The following MBNL2 variants were observed in gnomAD, a reference collection of about 807,000 sequenced individuals.
The protein encoded by MBNL2 is muscleblind-like protein 2.
MBNL2 carries 17 observed loss-of-function variants against 41.9 expected under a neutral mutation model. The ratio of observed to expected loss-of-function variants is 0.41; its 90% CI spans 0.28 to 0.61. The LOEUF (loss-of-function observed/expected upper bound fraction) is 0.61, where lower values mean the gene tolerates loss of function less well. Among genes scored for constraint, MBNL2 ranks in the 20% least tolerant of loss-of-function variants. The pLI, the probability that MBNL2 is intolerant of heterozygous loss-of-function variation, is 0.35. For missense variants in MBNL2, 336 were observed against 505.6 expected, an observed-to-expected ratio of 0.66 and a Z score of 3.22; for synonymous variants, 195 against 182.9, an observed-to-expected ratio of 1.07 and a Z score of -0.53.
At chr13:97,180,340 G>A in the MBNL2 span, among the ~76,000 whole-genome samples, 14,527 of 152,126 alleles carry the variant, frequency 0.095, 761 homozygotes, top group South Asian at 0.17. Context: ...GTGACCACTG[G>A]GTGATGATTT....
the MBNL2 span, among the ~76,000 whole-genome samples, chr13:97,143,024 C>A: frequency 6.6e-6 from 1 of 152,130 alleles, no homozygotes; most frequent in African/African-American, 2.4e-5. Flanking sequence ...AGCTACCTAG[C>A]CCAGATTTAT....
the MBNL2 span, among the ~76,000 whole-genome samples, chr13:97,198,028 A>G: frequency 6.6e-6 from 1 of 152,120 alleles, no homozygotes; most frequent in African/African-American, 2.4e-5. Flanking sequence ...CCCATGGTTG[A>G]TTTTATATGT....
chr13:97,332,040 CAAT>C lies in MBNL2; in HGVS notation c.175-2234_175-2232del, dbSNP rs1209717176. 2.0e-5 allele frequency among the ~76,000 whole-genome samples: 3 copies of C among 152,146 alleles called. No homozygotes were observed. In the East Asian group the frequency reaches 5.8e-4, roughly 29 times the overall value. On this transcript the variant is annotated intron_variant, in intron 2 of 8. Transcript: ENST00000679496. ...AAATTGACAAGTATATGAGTGAATA[CAAT>C]ATAACAGCCATACTGGTAGAAATGT...
Position 97,391,848 on chromosome 13 carries a change from A to G in MBNL2, c.*399A>G, listed in dbSNP as rs2066397421. On this transcript the variant is annotated 3_prime_UTR_variant, in exon 9 of 9. Coordinates refer to ENST00000679496, the MANE Select transcript of MBNL2 (RefSeq NM_001382683.1). ...ATCAAAGGGTATGTTTCACTTCTTG[A>G]CAATATAAATGCTGCAGCAAAGATG... is the stretch of plus-strand genomic sequence containing the variant. 1 of 168,940 alleles carries G rather than the reference A, an allele frequency of 5.9e-6. No homozygotes were observed. The highest frequency in any genetic ancestry group is 1.3e-5 in the Non-Finnish European group (1 of 79,742). 10.5% of individuals were successfully genotyped at this position (168,940 alleles called of 1,614,324 possible). A position where few individuals can be genotyped will look rare whatever the true frequency, so the allele number is the denominator to read the frequency against.
intron 3 of MBNL2, among the ~76,000 whole-genome samples, chr13:97,341,891 GT>G (rs1274691223): frequency 6.6e-6 from 1 of 152,162 alleles, no homozygotes; most frequent in East Asian, 1.9e-4. Context: ...CACCCACAAT[GT>G]AGAAACAGAG....
chr13:97,263,504 T>TA (rs1252848186), intron 1 of MBNL2, among the ~76,000 whole-genome samples: 8 of 152,196 alleles, frequency 5.3e-5, no homozygotes, highest in African/African-American at 7.2e-5. Context: ...GGACCATTTT[T>TA]AAAAAAATTG....
At chr13:97,192,399 CAA>C in the MBNL2 span, among the ~76,000 whole-genome samples, 1 of 152,142 alleles carries the variant, frequency 6.6e-6, no homozygotes, top group Non-Finnish European at 1.5e-5. Flanking sequence ...GTGTCAAATG[CAA>C]ACAGTCAGAG....
chr13:97,153,460 TAGTTAAA>T, the MBNL2 span, among the ~76,000 whole-genome samples: 2 of 152,050 alleles, frequency 1.3e-5, no homozygotes, highest in South Asian at 2.1e-4. Flanking sequence ...TCCAAACAAA[TAGTTAAA>T]AGTTAAGGTA....
chr13:97,145,338 G>T, the MBNL2 span, among the ~76,000 whole-genome samples: 6 of 152,198 alleles, frequency 3.9e-5, no homozygotes, highest in South Asian at 6.2e-4. Context: ...AACATGATAA[G>T]AAAGAAAAGA....
At chr13:97,357,340 C>G in intron 6 of MBNL2, 142 bp from the exon 7 acceptor site, 2 of 674,594 alleles carry the variant, frequency 3.0e-6, no homozygotes, top group Non-Finnish European at 5.1e-6. Context: ...TCGACATTGC[C>G]GCTGTTTAAA....
chr13:97,154,955 G>A, the MBNL2 span, among the ~76,000 whole-genome samples: 3 of 151,996 alleles, frequency 2.0e-5, no homozygotes, highest in Non-Finnish European at 2.9e-5. Flanking sequence ...TGAGAGTATT[G>A]GGGACTTTTT....
At chr13:97,305,657 C>T (rs2058056413) in intron 2 of MBNL2, among the ~76,000 whole-genome samples, 1 of 151,908 alleles carries the variant, frequency 6.6e-6, no homozygotes, top group Non-Finnish European at 1.5e-5. Context: ...TCCAGTGACT[C>T]GGGAAGCTGA....
chr13:97,330,584 G>A (rs1488731573), intron 2 of MBNL2, among the ~76,000 whole-genome samples: 1 of 152,190 alleles, frequency 6.6e-6, no homozygotes, highest in Non-Finnish European at 1.5e-5. Flanking sequence ...AATAAAATCA[G>A]AAGACACTAT....
chr13:97,189,276 C>T, the MBNL2 span, among the ~76,000 whole-genome samples: 1 of 152,166 alleles, frequency 6.6e-6, no homozygotes, highest in Non-Finnish European at 1.5e-5. Flanking sequence ...ATCTCTCACT[C>T]ATTGTTGATG....
the MBNL2 span, among the ~76,000 whole-genome samples, chr13:97,178,698 C>G: frequency 6.6e-6 from 1 of 152,120 alleles, no homozygotes; most frequent in East Asian, 1.9e-4. Context: ...GAGTTCAAGA[C>G]CAGTCTGGGC....
At chr13:97,242,586 C>T (rs2044512337) in intron 1 of MBNL2, among the ~76,000 whole-genome samples, 1 of 152,060 alleles carries the variant, frequency 6.6e-6, no homozygotes, top group South Asian at 2.1e-4. Flanking sequence ...GTCCTCGGCC[C>T]CATGTGGAAC....
At chr13:97,350,371 A>C (rs1400748760) in intron 5 of MBNL2, among the ~76,000 whole-genome samples, 1 of 152,104 alleles carries the variant, frequency 6.6e-6, no homozygotes, top group African/African-American at 2.4e-5. Context: ...TGACTGGTGA[A>C]AGTTGTGATG....
At chr13:97,345,612 TTTCTG>T (rs1388756972) in intron 4 of MBNL2, among the ~76,000 whole-genome samples, 2 of 152,196 alleles carry the variant, frequency 1.3e-5, no homozygotes, top group African/African-American at 4.8e-5. Flanking sequence ...TTTTTTTTCT[TTTCTG>T]TGCTGTCAAA....
chr13:97,245,038 A>G lies in MBNL2; in HGVS notation c.-605+22507A>G, dbSNP rs549712224. ...AAGAATGATTTATAAGTAAGATTACAGGTATTTTATCTAAATAAATAGTAA... is the reference window on the plus strand; with the variant it reads ...AAGAATGATTTATAAGTAAGATTACGGGTATTTTATCTAAATAAATAGTAA... On this transcript the variant is annotated intron_variant, in intron 1 of 8. Coordinates refer to ENST00000679496, the MANE Select transcript of MBNL2 (RefSeq NM_001382683.1). Among the ~76,000 whole-genome samples the G allele has an allele frequency of 2.0e-5, 3 of 152,350 alleles. No homozygotes were observed. The East Asian group carries it at 5.8e-4, about 29-fold the overall frequency.
Sources: gnomAD v4.1 joint callset for allele counts (sites outside exome capture counted in the v4.1 genomes callset) on GRCh38, gnomAD v4.1.1 for gene constraint, MANE v1.5 for transcripts, NCBI Gene and HGNC (gene_info 2026-07-23, HGNC 2026-07-21) for gene names.